ADAMTS16: variants seen among roughly 807,000 people sequenced by gnomAD.
ADAMTS16 encodes ADAM metallopeptidase with thrombospondin type 1 motif 16.
ADAMTS16 carries 94 observed loss-of-function variants against 145.8 expected under a neutral mutation model. The ratio of observed to expected loss-of-function variants is 0.64; its 90% confidence interval spans 0.55 to 0.77. ADAMTS16 has a LOEUF of 0.77. ADAMTS16 is among the 30% of genes least tolerant of loss of function. ADAMTS16 has a pLI of 0.00. For synonymous variants in ADAMTS16, 659 were observed against 604.3 expected (o/e 1.09, Z -1.33); for missense variants, 1,585 against 1,591.5 (o/e 1.00, Z 0.07).
chr5:5,157,110 T>A (rs1176970007), intron 3 of ADAMTS16, among the ~76,000 whole-genome samples: 4 of 152,160 alleles, frequency 2.6e-5, no homozygotes, highest in African/African-American at 9.7e-5. Flanking sequence ...GTTTAACTTT[T>A]TTTTTTTTTA....
chr5:5,170,441 C>T (rs1041328299), intron 3 of ADAMTS16, among the ~76,000 whole-genome samples: 4 of 152,026 alleles, frequency 2.6e-5, no homozygotes, highest in South Asian at 2.1e-4. Context: ...TGCAATGGCG[C>T]GATCTCGGCT....
In ADAMTS16 at chr5:5,303,436, C is replaced by A. The variant is rs761895343; in HGVS notation, c.2958C>A (p.Cys986Ter). The A allele has an allele frequency of 6.2e-7, 1 of 1,611,368 alleles. No individual in the cohort carries two copies. The highest frequency in any genetic ancestry group is 8.5e-7 in the Non-Finnish European group (1 of 1,178,926). ...GGCAGGCCTGCAACTCTCAGAGCTG[C>A]CCACCTGCATGGAGCGCCGGGCCCT... is the stretch of plus-strand genomic sequence containing the variant. ...SSRQACNSQSCPPAWSAGPWA... is the reference protein window; with the variant it reads ...SSRQACNSQS The change falls in exon 19 of 23, where the codon TGC (cysteine) becomes TGA (stop). Residue 986 changes from cysteine to a stop codon, truncating the protein, a stop_gained. Transcript: ENST00000274181. LOFTEE classifies it high-confidence loss of function.
chr5:5,253,293 C>T (rs1737682412), intron 17 of ADAMTS16, among the ~76,000 whole-genome samples: 1 of 152,206 alleles, frequency 6.6e-6, no homozygotes, highest in African/African-American at 2.4e-5. Context: ...GTAAGATGTA[C>T]ATTGGTACAG....
intron 17 of ADAMTS16, among the ~76,000 whole-genome samples, chr5:5,257,464 T>C (rs1410112979): frequency 6.6e-6 from 1 of 152,050 alleles, no homozygotes; most frequent in Admixed American, 6.6e-5. Context: ...CACCATGTAA[T>C]GCATTACTGG....
chr5:5,299,985 A>G (rs1007236907), intron 18 of ADAMTS16, among the ~76,000 whole-genome samples: 2 of 152,258 alleles, frequency 1.3e-5, no homozygotes, highest in African/African-American at 4.8e-5. Context: ...TTTTTAAACA[A>G]AACAGACACT....
intron 9 of ADAMTS16, among the ~76,000 whole-genome samples, chr5:5,201,603 G>A (rs955883204): frequency 1.3e-5 from 2 of 151,696 alleles, no homozygotes; most frequent in South Asian, 2.1e-4. Context: ...CATATTTAAC[G>A]TATACAGTAA....
intron 18 of ADAMTS16, among the ~76,000 whole-genome samples, chr5:5,263,414 C>CA (rs1393005963): frequency 2.6e-5 from 4 of 152,248 alleles, no homozygotes. Flanking sequence ...CTCTGGTCTT[C>CA]ATTTTCTTCA....
At chr5:5,168,178 T>C (rs1579284455) in intron 3 of ADAMTS16, among the ~76,000 whole-genome samples, 1 of 152,212 alleles carries the variant, frequency 6.6e-6, no homozygotes, top group East Asian at 1.9e-4. Context: ...AAAAGTTCCA[T>C]CACTTATTTT....
rs112497633 is a variant in ADAMTS16, at chr5:5,269,690, G to T, written c.2789+6907G>T. Among the ~76,000 whole-genome samples the T allele has an allele frequency of 2.0e-5, 3 of 152,082 alleles. No individual in the cohort carries two copies. Among genetic ancestry groups the T allele is most frequent in the East Asian group, 1.9e-4 (1 of 5,186 alleles). On this transcript the variant is annotated intron_variant, in intron 18 of 22. Transcript: ENST00000274181. This position sits in a 1 kb window ranked among gnomAD's most constrained non-coding sequence, Gnocchi z 4.3. Reference sequence around the variant, plus strand: ...TTTTTCCATATAAGTGACCCATTTCGCCCAGTGGTTCCTGTTGTTTTTCTG... The same window carrying T: ...TTTTTCCATATAAGTGACCCATTTCTCCCAGTGGTTCCTGTTGTTTTTCTG...
At chr5:5,242,705 T>C (rs1259916954) in intron 17 of ADAMTS16, among the ~76,000 whole-genome samples, 1 of 152,134 alleles carries the variant, frequency 6.6e-6, no homozygotes, top group Non-Finnish European at 1.5e-5. Context: ...GAAAAAAACA[T>C]GTCAAAAAGA....
chr5:5,262,643 A>T lies in ADAMTS16; in HGVS notation c.2663-14A>T. On this transcript the variant is annotated splice_polypyrimidine_tract_variant and intron_variant, in intron 17 of 22. Coordinates refer to ENST00000274181, the MANE Select transcript of ADAMTS16 (RefSeq NM_139056.4). ...CATGTGAGTCTTTATTCTACATTTC[A>T]TCCTTGCCTGCAGGACAGATGACCG... The T allele has an allele frequency of 6.2e-7, 1 of 1,610,348 alleles. No individual in the cohort carries two copies. Among genetic ancestry groups the T allele is most frequent in the Non-Finnish European group, 8.5e-7 (1 of 1,178,582 alleles).
chr5:5,198,067 T>C (rs896303843), intron 8 of ADAMTS16, among the ~76,000 whole-genome samples: 2 of 152,174 alleles, frequency 1.3e-5, no homozygotes, highest in African/African-American at 4.8e-5. Context: ...AGACCAAGAT[T>C]TCCCCAGACT....
intron 3 of ADAMTS16, among the ~76,000 whole-genome samples, chr5:5,172,741 A>C (rs1249797146): frequency 3.9e-5 from 6 of 152,186 alleles, no homozygotes; most frequent in South Asian, 2.1e-4. Context: ...TGTTCTGTAA[A>C]TATCTATTAG....
At chr5:5,280,628 G>A (rs1346817713) in intron 18 of ADAMTS16, among the ~76,000 whole-genome samples, 1 of 152,160 alleles carries the variant, frequency 6.6e-6, no homozygotes, top group Non-Finnish European at 1.5e-5. Context: ...TAGAATTGGG[G>A]ATGGTGGTGG....
intron 3 of ADAMTS16, among the ~76,000 whole-genome samples, chr5:5,164,826 G>A (rs533055678): frequency 1.5e-4 from 23 of 152,174 alleles, no homozygotes; most frequent in East Asian, 3.9e-4. Context: ...ACAGGCGCCC[G>A]CCACCACGCC....
In ADAMTS16 at chr5:5,315,552, C is replaced by T. The variant is rs1734020142; in HGVS notation, c.3412-2582C>T. ...GCCGCTTATCATAAAATAAATCTAA[C>T]TCAAGAAACGAAAGATGTTGTGGAC... On this transcript the variant is annotated intron_variant, in intron 21 of 22. Coordinates refer to ENST00000274181, the MANE Select transcript of ADAMTS16 (RefSeq NM_139056.4). Among the ~76,000 whole-genome samples the T allele has an allele frequency of 4.6e-5, 7 of 152,098 alleles. 1 individual carries two copies. In the South Asian group the frequency reaches 1.5e-3, roughly 32 times the overall value.
At chr5:5,286,619 G>A (rs1560988160) in intron 18 of ADAMTS16, among the ~76,000 whole-genome samples, 1 of 152,130 alleles carries the variant, frequency 6.6e-6, no homozygotes, top group Non-Finnish European at 1.5e-5. Context: ...AGCACTTTGG[G>A]AGGCTGAGGT....
In ADAMTS16 at chr5:5,177,874, G is replaced by T. The variant is rs185481567; in HGVS notation, c.502-4170G>T. On this transcript the variant is annotated intron_variant, in intron 3 of 22. Transcript: ENST00000274181. ...GATAGGTGGCTCTCATGAATAGGGC[G>T]CATGGCGTCACCTGAGACACGCTTG... Among the ~76,000 whole-genome samples, 130 of 152,274 alleles carry T rather than the reference G, an allele frequency of 8.5e-4. 1 individual carries two copies. The highest frequency in any genetic ancestry group is 1.1e-3 in the Non-Finnish European group (75 of 68,026).
At chr5:5,184,829 G>A (rs1036702928) in intron 4 of ADAMTS16, among the ~76,000 whole-genome samples, 1 of 152,098 alleles carries the variant, frequency 6.6e-6, no homozygotes, top group African/African-American at 2.4e-5. Flanking sequence ...AATACTGAGG[G>A]CCTGTAGCTG....
Sources: gnomAD v4.1 joint callset for allele counts (sites outside exome capture counted in the v4.1 genomes callset) on GRCh38, gnomAD v4.1.1 for gene constraint, Gnocchi (gnomAD v3.1) non-coding constraint, MANE v1.5 for transcripts, NCBI Gene and HGNC (gene_info 2026-07-23, HGNC 2026-07-21) for gene names.